The following SEC14L1 variants were observed in gnomAD, a reference collection of about 807,000 sequenced individuals.
SEC14L1 encodes the protein SEC14 like lipid binding 1.
A neutral mutation model predicts 85.3 loss-of-function variants in SEC14L1; 48 were observed. The observed-to-expected ratio is 0.56, with a 90% CI of 0.45 to 0.72. SEC14L1 has a LOEUF of 0.72. SEC14L1 is among the 30% of genes least tolerant of loss of function. The pLI is 0.00. For synonymous variants in SEC14L1, 391 were observed against 355.5 expected, an observed-to-expected ratio of 1.10 and a Z score of -1.12; for missense variants, 682 against 921.4, an observed-to-expected ratio of 0.74 and a Z score of 3.36.
chr17:77,189,390 T>C (rs1041909923), intron 3 of SEC14L1, among the ~76,000 whole-genome samples: 10 of 152,170 alleles, frequency 6.6e-5, no homozygotes, highest in African/African-American at 2.4e-4. Context: ...CAAAGTCAGA[T>C]AAACAACTTA....
chr17:77,201,617 C>T (rs928189520), intron 9 of SEC14L1, among the ~76,000 whole-genome samples: 2 of 151,926 alleles, frequency 1.3e-5, no homozygotes, highest in South Asian at 4.2e-4. Context: ...CGCCCGGCTA[C>T]TTTTTGTATT....
intron 3 of SEC14L1, among the ~76,000 whole-genome samples, chr17:77,156,812 A>G (rs1598314717): frequency 2.6e-5 from 4 of 152,308 alleles, no homozygotes; most frequent in Admixed American, 2.6e-4. Flanking sequence ...TGTGAGTAAA[A>G]TAGTTCAGTG....
At chr17:77,155,647 G>A (rs1243092234) in intron 3 of SEC14L1, among the ~76,000 whole-genome samples, 1 of 152,242 alleles carries the variant, frequency 6.6e-6, no homozygotes, top group Non-Finnish European at 1.5e-5. Flanking sequence ...CCTTGGGGCT[G>A]CTGCCAGAGA....
intron 3 of SEC14L1, chr17:77,130,270 C>A (rs1352418434): frequency 6.6e-6 from 1 of 151,968 alleles, no homozygotes; most frequent in Non-Finnish European, 1.5e-5. Flanking sequence ...TCAGCTCAGT[C>A]CATGTGGTGG....
Position 77,190,853 on chromosome 17 carries a change from C to G in SEC14L1, c.114C>G (p.Gly38=). The change falls in exon 4 of 17, where the codon GGC becomes GGG. Residue 38 remains glycine, a synonymous_variant. Coordinates refer to ENST00000436233, the MANE Select transcript of SEC14L1 (RefSeq NM_001143998.2). Reference sequence around the variant, plus strand: ...GTCCTTTGATTCCGATGTTCGTGGGCAGTGACACTGTGAATGAATTCAAGA... The same window carrying G: ...GTCCTTTGATTCCGATGTTCGTGGGGAGTGACACTGTGAATGAATTCAAGA... ...PTCPLIPMFV[G]SDTVNEFKSE... The G allele has an allele frequency of 6.2e-7, 1 of 1,614,178 alleles. No individual in the cohort carries two copies. Among genetic ancestry groups the G allele is most frequent in the Non-Finnish European group, 8.5e-7 (1 of 1,180,016 alleles).
intron 8 of SEC14L1, among the ~76,000 whole-genome samples, chr17:77,197,253 C>T (rs1298877585): frequency 6.6e-6 from 1 of 152,182 alleles, no homozygotes; most frequent in African/African-American, 2.4e-5. Flanking sequence ...GACGGACCAG[C>T]CTCTTGAGTT....
chr17:77,096,681 G>C (rs1276489610), intron 3 of SEC14L1, among the ~76,000 whole-genome samples: 2 of 152,150 alleles, frequency 1.3e-5, no homozygotes, highest in African/African-American at 4.8e-5. Flanking sequence ...ACACCAGACT[G>C]TGTTCTCTGA....
At chr17:77,173,208 G>A (rs1461988013) in intron 3 of SEC14L1, among the ~76,000 whole-genome samples, 1 of 152,222 alleles carries the variant, frequency 6.6e-6, no homozygotes, top group Non-Finnish European at 1.5e-5. Flanking sequence ...TTAAGGGGAA[G>A]AGAGTTGGAG....
intron 2 of SEC14L1, chr17:77,089,443 G>A (rs1971452403): frequency 1.9e-6 from 1 of 518,932 alleles, no homozygotes; most frequent in South Asian, 1.4e-5. Context: ...AGTAACAGGT[G>A]TGAGCATTCT....
chr17:77,103,176 G>C (rs1037081295), intron 3 of SEC14L1, among the ~76,000 whole-genome samples: 1 of 151,618 alleles, frequency 6.6e-6, no homozygotes, highest in Non-Finnish European at 1.5e-5. Flanking sequence ...GCAGTGGCAC[G>C]ATCTCAGCTC....
chr17:77,190,208 A>G (rs1975459387), intron 3 of SEC14L1, among the ~76,000 whole-genome samples: 1 of 152,224 alleles, frequency 6.6e-6, no homozygotes, highest in Admixed American at 6.5e-5. Flanking sequence ...CTCCAGTAAC[A>G]TGTTGAAAAG....
chr17:77,106,280 T>C (rs1452634913), intron 3 of SEC14L1, among the ~76,000 whole-genome samples: 2 of 152,134 alleles, frequency 1.3e-5, no homozygotes, highest in African/African-American at 4.8e-5. Context: ...ACACCTGTAA[T>C]CCCAGCACTT....
chr17:77,167,102 TC>T (rs1379828582), intron 3 of SEC14L1, among the ~76,000 whole-genome samples: 1 of 152,048 alleles, frequency 6.6e-6, no homozygotes, highest in Admixed American at 6.6e-5. Context: ...TTTTCTAGGT[TC>T]TTAAAAGAAG....
intron 9 of SEC14L1, among the ~76,000 whole-genome samples, chr17:77,201,128 T>G (rs902174189): frequency 6.6e-6 from 1 of 152,212 alleles, no homozygotes; most frequent in Admixed American, 6.5e-5. Context: ...TGGGAGTAAG[T>G]AAGGCCTGGA....
At chr17:77,103,421 C>CT (rs1485729241) in intron 3 of SEC14L1, among the ~76,000 whole-genome samples, 10 of 150,194 alleles carry the variant, frequency 6.7e-5, no homozygotes, top group African/African-American at 2.5e-4. Flanking sequence ...CCAGATTTTT[C>CT]TTTTTTGTTG....
At chr17:77,100,951 G>A (rs951523255) in intron 3 of SEC14L1, among the ~76,000 whole-genome samples, 1 of 152,118 alleles carries the variant, frequency 6.6e-6, no homozygotes, top group Non-Finnish European at 1.5e-5. Flanking sequence ...TCACATTTAG[G>A]TAGGGATATT....
upstream of SEC14L1, among the ~76,000 whole-genome samples, chr17:77,138,049 A>G (rs1972846785): frequency 6.6e-6 from 1 of 151,982 alleles, no homozygotes; most frequent in South Asian, 2.1e-4. Flanking sequence ...AGGAGTGCTG[A>G]TTGGTCAGGG....
intron 7 of SEC14L1, among the ~76,000 whole-genome samples, chr17:77,195,276 G>A (rs1029981746): frequency 5.3e-5 from 8 of 151,332 alleles, no homozygotes; most frequent in African/African-American, 1.7e-4. Flanking sequence ...GATTATAGGT[G>A]TGAGCCACCA....
chr17:77,186,185 G>A (rs1395500870), intron 3 of SEC14L1, among the ~76,000 whole-genome samples: 1 of 152,138 alleles, frequency 6.6e-6, no homozygotes, highest in Non-Finnish European at 1.5e-5. Flanking sequence ...AGGGCCTTCT[G>A]TCTGCACCCG....
Sources: gnomAD v4.1 joint callset for allele counts (sites outside exome capture counted in the v4.1 genomes callset) on GRCh38, gnomAD v4.1.1 for gene constraint, MANE v1.5 for transcripts, NCBI Gene and HGNC (gene_info 2026-07-23, HGNC 2026-07-21) for gene names.